The following NRP2 variants were observed in gnomAD, a reference collection of about 807,000 sequenced individuals.
NRP2 encodes the protein neuropilin-2.
NRP2 carries 52 observed loss-of-function variants against 110.4 expected under a neutral mutation model. That is an observed-to-expected ratio of 0.47 (90% CI 0.38 to 0.59). The LOEUF (loss-of-function observed/expected upper bound fraction) is 0.59. Among genes scored for constraint, NRP2 ranks in the 20% least tolerant of loss-of-function variants. The probability of loss-of-function intolerance (pLI) is 0.00; values close to 1 mark genes in which losing one functional copy is unlikely to be tolerated. For missense variants in NRP2, 1,049 were observed against 1,203.0 expected (o/e 0.87, Z 1.89); for synonymous variants, 508 against 468.9 (o/e 1.08, Z -1.08).
chr2:205,704,651 G>A (rs1426922205), intron 2 of NRP2, among the ~76,000 whole-genome samples: 1 of 152,190 alleles, frequency 6.6e-6, no homozygotes, highest in Non-Finnish European at 1.5e-5. Flanking sequence ...TCTTACCAAG[G>A]TTAAAACGCA....
At chr2:205,747,823 G>A (rs1345832035) in intron 10 of NRP2, among the ~76,000 whole-genome samples, 4 of 151,788 alleles carry the variant, frequency 2.6e-5, no homozygotes, top group Non-Finnish European at 4.4e-5. Flanking sequence ...TTCCTTCATT[G>A]CTCCCCAATC....
chr2:205,751,889 A>C (rs2057652530), intron 11 of NRP2, among the ~76,000 whole-genome samples: 1 of 152,200 alleles, frequency 6.6e-6, no homozygotes, highest in African/African-American at 2.4e-5. Context: ...CTGCCGGCAA[A>C]CAACCAAATC....
chr2:205,754,277 C>A (rs2057698263), intron 12 of NRP2, among the ~76,000 whole-genome samples: 1 of 152,150 alleles, frequency 6.6e-6, no homozygotes, highest in African/African-American at 2.4e-5. Flanking sequence ...TTCCTTAGAA[C>A]TGCTTCTCAC....
chr2:205,748,741 T>C (rs550375871), intron 10 of NRP2, among the ~76,000 whole-genome samples: 105 of 152,270 alleles, frequency 6.9e-4, no homozygotes, highest in Non-Finnish European at 1.3e-3. Flanking sequence ...GGAGGACAGC[T>C]CTGGGATGAA....
rs73064187 is a variant in NRP2 at position 205,718,410 on chromosome 2, G to A, written c.433+2036G>A. 4.3e-3 allele frequency among the ~76,000 whole-genome samples: 655 copies of A among 152,348 alleles called. 7 individuals are homozygous for A. Among genetic ancestry groups the A allele is most frequent in the African/African-American group, 0.015 (637 of 41,578 alleles). ...AAATGAAGCAACAAGTCTGTGAACT[G>A]CCTAGAAACAATGGTGCCAGCCAAC... On this transcript the variant is annotated intron_variant, in intron 3 of 16. Coordinates refer to ENST00000357785, the MANE Select transcript of NRP2 (RefSeq NM_003872.3).
At chr2:205,789,631 C>T (rs993187665) in intron 15 of NRP2, among the ~76,000 whole-genome samples, 1 of 152,206 alleles carries the variant, frequency 6.6e-6, no homozygotes, top group African/African-American at 2.4e-5. Context: ...CTGCCTTGGG[C>T]TCCTAGCTCA....
At chr2:205,775,031 T>G (rs1298471393) in intron 15 of NRP2, among the ~76,000 whole-genome samples, 1 of 152,134 alleles carries the variant, frequency 6.6e-6, no homozygotes, top group African/African-American at 2.4e-5. Flanking sequence ...CACTAATGCA[T>G]GAAGGAGCCC....
At chr2:205,714,964 A>G (rs2056865855) in intron 2 of NRP2, among the ~76,000 whole-genome samples, 1 of 152,168 alleles carries the variant, frequency 6.6e-6, no homozygotes, top group Admixed American at 6.5e-5. Flanking sequence ...CATCCCACAG[A>G]AGGGTGCATT....
chr2:205,764,030 G>C (rs1189746017), intron 13 of NRP2, 94 bp downstream of exon 13: 1 of 1,483,682 alleles, frequency 6.7e-7, no homozygotes, highest in Non-Finnish European at 9.2e-7. Context: ...AAGCGCTACT[G>C]TTTTCATTGT....
In NRP2 at chr2:205,745,823, A is replaced by T. The variant is rs767989880; in HGVS notation, c.1719A>T (p.Val573=). ...CCATTCCGGCACAGTATGTGCGGGT[A>T]TACCCGGAGAGGTGGTCGCCGGCGG... The part of the protein sequence containing the change: ...FDPIPAQYVR[V]YPERWSPAGI... Residue 573 remains valine, a synonymous_variant, in exon 10 of 17, where the codon GTA becomes GTT. Coordinates refer to ENST00000357785, the MANE Select transcript of NRP2 (RefSeq NM_003872.3). 1.2e-6 allele frequency: 2 copies of T among 1,614,226 alleles called. No individual in the cohort carries two copies. The highest frequency in any genetic ancestry group is 1.7e-6 in the Non-Finnish European group (2 of 1,180,020).
At chr2:205,792,594 C>T (rs750376077) in intron 16 of NRP2, among the ~76,000 whole-genome samples, 8 of 152,194 alleles carry the variant, frequency 5.3e-5, no homozygotes, top group Non-Finnish European at 7.3e-5. Context: ...CTCCTCCATA[C>T]GTGTCATAGT....
rs1344118687 is a variant in NRP2, at chr2:205,722,651, G to A, written c.607G>A (p.Val203Met). The change falls in exon 4 of 17, where the codon GTG becomes ATG. Residue 203 changes from valine to methionine, a missense_variant. Coordinates refer to ENST00000357785, the MANE Select transcript of NRP2 (RefSeq NM_003872.3). ...IFDLEHDPLQ[V>M]GEGDCKYDWL... Reference sequence around the variant, plus strand: ...TGACCTGGAGCATGACCCTTTGCAGGTGGGAGAGGGGGACTGCAAGTACGA... The same window carrying A: ...TGACCTGGAGCATGACCCTTTGCAGATGGGAGAGGGGGACTGCAAGTACGA... The A allele has an allele frequency of 2.5e-6, 4 of 1,614,106 alleles. No individual in the cohort carries two copies. The highest frequency in any genetic ancestry group is 3.4e-6 in the Non-Finnish European group (4 of 1,180,050).
chr2:205,738,655 C>G (rs1041483910), intron 7 of NRP2, among the ~76,000 whole-genome samples: 1 of 152,140 alleles, frequency 6.6e-6, no homozygotes, highest in African/African-American at 2.4e-5. Context: ...TTCTCATCCA[C>G]AATCGCTATA....
intron 3 of NRP2, 145 bp from the exon 4 acceptor site, chr2:205,722,333 G>A: frequency 2.8e-6 from 2 of 708,816 alleles, no homozygotes; most frequent in South Asian, 1.5e-5. Context: ...CATGTGAAGA[G>A]TATGTTGCTT....
At chr2:205,733,655 G>A (rs1486628384) in intron 7 of NRP2, among the ~76,000 whole-genome samples, 2 of 152,046 alleles carry the variant, frequency 1.3e-5, no homozygotes, top group African/African-American at 4.8e-5. Context: ...GAGGTTTCCA[G>A]GGGTGGAGGG....
intron 7 of NRP2, among the ~76,000 whole-genome samples, chr2:205,739,432 C>T: frequency 6.6e-6 from 1 of 152,194 alleles, no homozygotes. Context: ...CCCCAGTTCT[C>T]TTGTCCCAGC....
intron 1 of NRP2, among the ~76,000 whole-genome samples, chr2:205,690,499 G>A (rs864051): frequency 0.68 from 103,058 of 150,738 alleles, 35,751 homozygotes; most frequent in East Asian, 0.97. Context: ...ACTTTGGGAG[G>A]AGGAGGTGGG....
chr2:205,696,271 TA>T (rs1397933015), intron 1 of NRP2, among the ~76,000 whole-genome samples: 7 of 152,062 alleles, frequency 4.6e-5, no homozygotes, highest in Non-Finnish European at 1.0e-4. Context: ...CCTGTAGAGT[TA>T]AAAAATGCAT....
At chr2:205,714,909 C>T (rs976819454) in intron 2 of NRP2, among the ~76,000 whole-genome samples, 2 of 152,202 alleles carry the variant, frequency 1.3e-5, no homozygotes, top group Non-Finnish European at 2.9e-5. Context: ...TTCCGGCAGC[C>T]GGCAACCCCA....
Sources: gnomAD v4.1 joint callset for allele counts (sites outside exome capture counted in the v4.1 genomes callset) on GRCh38, gnomAD v4.1.1 for gene constraint, MANE v1.5 for transcripts, NCBI Gene and HGNC (gene_info 2026-07-23, HGNC 2026-07-21) for gene names.